The following LAMA2 variants were observed in gnomAD, a reference collection of about 807,000 sequenced individuals.
The protein encoded by LAMA2 is laminin subunit alpha 2.
A neutral mutation model predicts 364.8 loss-of-function variants in LAMA2; 269 were observed. The ratio of observed to expected loss-of-function variants is 0.74; its 90% CI spans 0.67 to 0.82. The LOEUF is 0.82. Among genes scored for constraint, LAMA2 ranks in the 40% least tolerant of loss-of-function variants. LAMA2 has a pLI of 0.00. For synonymous variants in LAMA2, 1,379 were observed against 1,370.6 expected (o/e 1.01, Z -0.14); for missense variants, 3,807 against 3,873.2 (o/e 0.98, Z 0.45).
chr6:129,065,452 A>G lies in LAMA2; in HGVS notation c.396+5556A>G, dbSNP rs867653910. On this transcript the variant is annotated intron_variant, in intron 3 of 64. Coordinates refer to ENST00000421865, the MANE Select transcript of LAMA2 (RefSeq NM_000426.4). Reference sequence around the variant, plus strand: ...AATAAAATTGTCATCAAAATTGAAAAAGAAAAAGGTAAAGTGTCTCTTTTT... The same window carrying G: ...AATAAAATTGTCATCAAAATTGAAAGAGAAAAAGGTAAAGTGTCTCTTTTT... Among the ~76,000 whole-genome samples, 5 of 152,294 alleles carry G rather than the reference A, an allele frequency of 3.3e-5. No individual in the cohort carries two copies. In the South Asian group the frequency reaches 8.3e-4, roughly 25 times the overall value.
At chr6:128,953,597 TTGTGTGTGTGTGTG>T (rs113782463) in intron 1 of LAMA2, among the ~76,000 whole-genome samples, 3 of 121,804 alleles carry the variant, frequency 2.5e-5, no homozygotes, top group Admixed American at 7.9e-5. Flanking sequence ...GCCCATGGAC[TTGTGTGTGTGTGTG>T]TGTGTGTGTG....
intron 1 of LAMA2, among the ~76,000 whole-genome samples, chr6:128,951,845 A>C (rs1201251825): frequency 2.6e-5 from 4 of 152,190 alleles, no homozygotes; most frequent in Admixed American, 1.3e-4. Flanking sequence ...ATATTTCATA[A>C]GTAAACCAAG....
chr6:129,514,228 A>C (rs1424198842), intron 63 of LAMA2, 145 bp from the exon 64 acceptor site: 1 of 704,222 alleles, frequency 1.4e-6, no homozygotes, highest in Non-Finnish European at 2.6e-6. Context: ...CAAGTTTTAA[A>C]ATTTTTTTCA....
At chr6:129,222,780 A>G (rs1247540454) in intron 12 of LAMA2, among the ~76,000 whole-genome samples, 7 of 151,898 alleles carry the variant, frequency 4.6e-5, no homozygotes, top group African/African-American at 1.2e-4. Flanking sequence ...CTTTGCTATT[A>G]TGAATAGTGC....
chr6:129,084,220 C>G (rs979230195), intron 3 of LAMA2, among the ~76,000 whole-genome samples: 1 of 152,162 alleles, frequency 6.6e-6, no homozygotes, highest in Non-Finnish European at 1.5e-5. Context: ...GCAGGCACAA[C>G]TGTCCTTCCC....
intron 14 of LAMA2, among the ~76,000 whole-genome samples, chr6:129,258,357 A>G (rs1405502598): frequency 6.6e-6 from 1 of 152,072 alleles, no homozygotes; most frequent in African/African-American, 2.4e-5. Context: ...ATATTCATCA[A>G]CTGATGAATG....
At chr6:128,926,692 G>A (rs1779120432) in intron 1 of LAMA2, among the ~76,000 whole-genome samples, 1 of 152,112 alleles carries the variant, frequency 6.6e-6, no homozygotes, top group African/African-American at 2.4e-5. Context: ...TTTTAATATT[G>A]GTAATCCTCC....
At chr6:129,401,047 T>G (rs958265992) in intron 37 of LAMA2, among the ~76,000 whole-genome samples, 177 bp from the exon 38 acceptor site, 2 of 152,244 alleles carry the variant, frequency 1.3e-5, no homozygotes, top group African/African-American at 4.8e-5. Flanking sequence ...AGCCTCTACA[T>G]AGAAGAACTC....
At chr6:128,978,823 G>A (rs1440001188) in intron 1 of LAMA2, among the ~76,000 whole-genome samples, 1 of 152,158 alleles carries the variant, frequency 6.6e-6, no homozygotes, top group Non-Finnish European at 1.5e-5. Context: ...TAAGAGCTAG[G>A]TGGGCAAATT....
chr6:129,361,937 C>T (rs1161502377), intron 32 of LAMA2, among the ~76,000 whole-genome samples: 1 of 151,826 alleles, frequency 6.6e-6, no homozygotes, highest in Non-Finnish European at 1.5e-5. Flanking sequence ...GCACATGCCA[C>T]CACACCTGGC....
chr6:129,324,651 G>T (rs1483893034), intron 28 of LAMA2, among the ~76,000 whole-genome samples: 1 of 152,192 alleles, frequency 6.6e-6, no homozygotes, highest in East Asian at 1.9e-4. Context: ...TAGGCTACAT[G>T]GGATAGCCTG....
At chr6:129,425,706 T>C (rs1781294067) in intron 40 of LAMA2, among the ~76,000 whole-genome samples, 1 of 152,130 alleles carries the variant, frequency 6.6e-6, no homozygotes, top group Non-Finnish European at 1.5e-5. Context: ...GTTCCTGCAT[T>C]AGTTTGCTAA....
In LAMA2 at chr6:129,010,309, A is replaced by G. The variant is rs553730862; in HGVS notation, c.113-39609A>G. 3.6e-4 allele frequency among the ~76,000 whole-genome samples: 55 copies of G among 152,256 alleles called. 1 individual carries two copies. In the Middle Eastern group the frequency reaches 0.014, roughly 38 times the overall value. ...AATATACAACACTGAAAGATTCTCT[A>G]CCAAACATGCATGAAAAGATAGCAA... On this transcript the variant is annotated intron_variant, in intron 1 of 64. Transcript: ENST00000421865.
chr6:129,146,867 G>T, intron 5 of LAMA2, 92 bp from the exon 6 acceptor site: 1 of 839,292 alleles, frequency 1.2e-6, no homozygotes, highest in Non-Finnish European at 2.1e-6. Flanking sequence ...AAGGATAAAA[G>T]CAGAAAATAA....
chr6:129,148,462 A>T (rs1006051635), intron 6 of LAMA2, among the ~76,000 whole-genome samples: 1 of 152,074 alleles, frequency 6.6e-6, no homozygotes, highest in Non-Finnish European at 1.5e-5. Flanking sequence ...TTAAAAGTCC[A>T]CAAGACAGGC....
chr6:129,297,989 G>A, intron 21 of LAMA2, 124 bp downstream of exon 21: 2 of 644,508 alleles, frequency 3.1e-6, no homozygotes, highest in Non-Finnish European at 2.4e-6. Context: ...AATGAGTAAT[G>A]TCTACTTATT....
At chr6:129,154,366 C>T (rs528269722) in intron 7 of LAMA2, 139 bp from the exon 8 acceptor site, 163 of 691,994 alleles carry the variant, frequency 2.4e-4, no homozygotes, top group African/African-American at 2.3e-3. Context: ...GAGCCGAGAT[C>T]GTGCCACTCT....
chr6:129,421,513 A>T (rs1024414691), intron 40 of LAMA2, among the ~76,000 whole-genome samples: 1 of 152,176 alleles, frequency 6.6e-6, no homozygotes, highest in Admixed American at 6.5e-5. Context: ...GAATATGTAT[A>T]AAGTATAATT....
intron 1 of LAMA2, among the ~76,000 whole-genome samples, chr6:128,918,189 C>A (rs1340856467): frequency 1.3e-5 from 2 of 152,068 alleles, no homozygotes; most frequent in Non-Finnish European, 2.9e-5. Flanking sequence ...AATTATTCTT[C>A]TTCCCAAAGT....
Sources: allele counts gnomAD v4.1 joint callset (sites outside exome capture counted in the v4.1 genomes callset), GRCh38; gene constraint gnomAD v4.1.1; transcripts MANE v1.5; gene names NCBI Gene and HGNC (gene_info 2026-07-23, HGNC 2026-07-21).